The following PDE8B variants were observed in gnomAD, a reference collection of about 807,000 sequenced individuals.
The protein encoded by PDE8B is high affinity cAMP-specific and IBMX-insensitive 3',5'-cyclic phosphodiesterase 8B.
Under a neutral mutation model 101.3 loss-of-function variants are expected in PDE8B, and 26 were observed. The ratio of observed to expected loss-of-function variants is 0.26; its 90% confidence interval spans 0.19 to 0.36. The LOEUF (loss-of-function observed/expected upper bound fraction) is 0.36, where lower values mean the gene tolerates loss of function less well. Ranked by LOEUF, PDE8B falls within the 10% of genes least tolerant of loss-of-function variation. The pLI is 1.00. For missense variants in PDE8B, 810 were observed against 1,163.1 expected (o/e 0.70, Z 4.42); for synonymous variants, 424 against 429.3 (o/e 0.99, Z 0.15).
the PDE8B span, among the ~76,000 whole-genome samples, chr5:77,182,843 G>A: frequency 1.3e-5 from 2 of 149,172 alleles, no homozygotes; most frequent in African/African-American, 4.9e-5. Flanking sequence ...AATATATTAT[G>A]TATTTGCTTT....
intron 10 of PDE8B, among the ~76,000 whole-genome samples, chr5:77,361,070 TTC>T (rs1164450876): frequency 3.9e-5 from 6 of 152,238 alleles, no homozygotes; most frequent in Non-Finnish European, 2.9e-5. Context: ...ATTCCATCCC[TTC>T]CCAAGCACAT....
At chr5:77,415,590 C>A (rs1170278978) in intron 17 of PDE8B, among the ~76,000 whole-genome samples, 1 of 152,028 alleles carries the variant, frequency 6.6e-6, no homozygotes, top group East Asian at 1.9e-4. Flanking sequence ...AACTCCTGAC[C>A]TCAGATAATC....
At chr5:77,182,329 C>G in the PDE8B span, among the ~76,000 whole-genome samples, 1 of 151,680 alleles carries the variant, frequency 6.6e-6, no homozygotes, top group Non-Finnish European at 1.5e-5. Context: ...GTTCATAGGG[C>G]TACACAAATC....
At chr5:77,125,482 A>G in the PDE8B span, among the ~76,000 whole-genome samples, 2 of 152,240 alleles carry the variant, frequency 1.3e-5, no homozygotes, top group Non-Finnish European at 2.9e-5. Flanking sequence ...CAAAGAATTA[A>G]AAGCAGAGAC....
At chr5:77,194,031 T>C in the PDE8B span, among the ~76,000 whole-genome samples, 1 of 152,242 alleles carries the variant, frequency 6.6e-6, no homozygotes, top group Non-Finnish European at 1.5e-5. Flanking sequence ...AGCAGCTGTT[T>C]TCATAGCCTT....
Position 77,421,849 on chromosome 5 carries a change from C to G in PDE8B, c.2279C>G (p.Pro760Arg), listed in dbSNP as rs779218308. 1 of 1,614,136 alleles carries G rather than the reference C, an allele frequency of 6.2e-7. No homozygotes were observed. The highest frequency in any genetic ancestry group is 1.1e-5 in the South Asian group (1 of 91,064). Reference sequence around the variant, plus strand: ...GAAGGCAGCGACTGTGAATGCAACCCTGCTGGGAAGAACTTCCCTGAAAAC... The same window carrying G: ...GAAGGCAGCGACTGTGAATGCAACCGTGCTGGGAAGAACTTCCCTGAAAAC... ...EIEGSDCECN[P>R]AGKNFPENQI... Residue 760 changes from proline to arginine, a missense_variant, in exon 20 of 22, where the codon CCT becomes CGT. Pro to Arg is a moderately radical substitution (Grantham distance 103). Around this residue, in one of 4 missense-constraint regions of PDE8B, gnomAD observed 325 missense variants for 560.9 expected, o/e 0.58. Transcript: ENST00000264917.
rs375695489 is a variant in PDE8B at position 77,402,803 on chromosome 5, T to G, written c.1211-1917T>G. Reference sequence around the variant, plus strand: ...AGACCCAGAGAAGTTAAGTAACATTTCCAAGATTACACAGCTGCTGAGTGG... The same window carrying G: ...AGACCCAGAGAAGTTAAGTAACATTGCCAAGATTACACAGCTGCTGAGTGG... On this transcript the variant is annotated intron_variant, in intron 11 of 21. Transcript: ENST00000264917. Among the ~76,000 whole-genome samples, 3 of 152,240 alleles carry G rather than the reference T, an allele frequency of 2.0e-5. No individual in the cohort carries two copies. In the South Asian group the frequency reaches 6.2e-4, roughly 32 times the overall value.
the PDE8B span, among the ~76,000 whole-genome samples, chr5:77,153,467 G>T: frequency 3.8e-4 from 58 of 152,018 alleles, no homozygotes; most frequent in Non-Finnish European, 5.9e-4. Flanking sequence ...CAGTACACAG[G>T]TTCTAGGGGG....
In PDE8B at chr5:77,328,982, A is replaced by G. The variant is rs1776598827; in HGVS notation, c.591-16A>G. ...GCCCAGATCACCTTGTTTGACTTGG[A>G]GCCTTCTCATTGCAGGTCGATCCGG... On this transcript the variant is annotated splice_polypyrimidine_tract_variant and intron_variant, in intron 3 of 21. Coordinates refer to ENST00000264917, the MANE Select transcript of PDE8B (RefSeq NM_003719.5). 2 of 1,611,486 alleles carry G rather than the reference A, an allele frequency of 1.2e-6. No individual in the cohort carries two copies. Among genetic ancestry groups the G allele is most frequent in the East Asian group, 4.5e-5 (2 of 44,864 alleles).
the PDE8B span, among the ~76,000 whole-genome samples, chr5:77,171,047 TGGATGA>T: frequency 1.3e-5 from 2 of 152,168 alleles, no homozygotes; most frequent in African/African-American, 4.8e-5. Context: ...GTATATGATA[TGGATGA>T]GTACAAAGAA....
intron 1 of PDE8B, chr5:77,291,131 A>T (rs1719601413): frequency 6.2e-7 from 1 of 1,610,864 alleles, no homozygotes; most frequent in Admixed American, 1.7e-5. Flanking sequence ...TAGTTGTTCC[A>T]TCAGCTCTCT....
At chr5:77,361,268 C>T (rs1047577047) in intron 10 of PDE8B, among the ~76,000 whole-genome samples, 6 of 152,104 alleles carry the variant, frequency 3.9e-5, no homozygotes, top group African/African-American at 1.4e-4. Context: ...GCAAACTCTA[C>T]AAATCAGGAC....
chr5:77,343,993 C>T (rs1430331313), intron 6 of PDE8B, among the ~76,000 whole-genome samples: 1 of 151,754 alleles, frequency 6.6e-6, no homozygotes, highest in Non-Finnish European at 1.5e-5. Flanking sequence ...CACATCTTGT[C>T]CCACTGGAAG....
chr5:77,391,803 A>G (rs945777155), intron 10 of PDE8B, among the ~76,000 whole-genome samples: 29 of 152,260 alleles, frequency 1.9e-4, no homozygotes, highest in African/African-American at 6.5e-4. Context: ...TTTAAATAAC[A>G]TAGGGAGCCA....
At chr5:77,184,822 CAAAATA>C in the PDE8B span, among the ~76,000 whole-genome samples, 2 of 150,532 alleles carry the variant, frequency 1.3e-5, no homozygotes, top group African/African-American at 4.9e-5. Context: ...TTAAATTTTT[CAAAATA>C]AAAATAAAAA....
chr5:77,288,908 C>T (rs1024054398), intron 1 of PDE8B, among the ~76,000 whole-genome samples: 20 of 146,890 alleles, frequency 1.4e-4, no homozygotes, highest in Non-Finnish European at 2.7e-4. Flanking sequence ...AGTAAGACAT[C>T]TCAGTGCTCA....
intron 1 of PDE8B, among the ~76,000 whole-genome samples, chr5:77,300,528 G>A (rs1769686665): frequency 6.6e-6 from 1 of 152,184 alleles, no homozygotes; most frequent in African/African-American, 2.4e-5. Context: ...TCCTTTCATT[G>A]CTGCTGCGGT....
chr5:77,201,149 A>C, the PDE8B span, among the ~76,000 whole-genome samples: 4 of 152,230 alleles, frequency 2.6e-5, no homozygotes, highest in East Asian at 7.7e-4. Context: ...TTCTTGAAGC[A>C]AGAGTATCAA....
At position 77,220,879 on chromosome 5, in the gene PDE8B, C is replaced by T. The variant is rs144539159; in HGVS notation, c.339+9615C>T. ...GGCTCAGGTGGTGTTATTAACCTCACATTGCTAGGGAGGAAGTGGAGGCAC... is the reference window on the plus strand; with the variant it reads ...GGCTCAGGTGGTGTTATTAACCTCATATTGCTAGGGAGGAAGTGGAGGCAC... On this transcript the variant is annotated intron_variant, in intron 1 of 21. Transcript: ENST00000264917. Among the ~76,000 whole-genome samples, 9 of 152,252 alleles carry T rather than the reference C, an allele frequency of 5.9e-5. No individual in the cohort carries two copies. In the South Asian group the frequency reaches 6.2e-4, roughly 11 times the overall value.
Sources: allele counts gnomAD v4.1 joint callset (sites outside exome capture counted in the v4.1 genomes callset), GRCh38; gene constraint gnomAD v4.1.1; regional missense constraint gnomAD v4.1.1; transcripts MANE v1.5; gene names NCBI Gene and HGNC (gene_info 2026-07-23, HGNC 2026-07-21).